PSD3: variants seen among roughly 807,000 people sequenced by gnomAD.
The protein encoded by PSD3 is PH and SEC7 domain-containing protein 3.
In PSD3, 49 loss-of-function variants were observed where a neutral mutation model predicts 105.5. The ratio of observed to expected loss-of-function variants is 0.46; its 90% CI spans 0.37 to 0.59. The LOEUF (loss-of-function observed/expected upper bound fraction) is 0.59, where lower values mean the gene tolerates loss of function less well. Ranked by LOEUF, PSD3 falls within the 20% of genes least tolerant of loss-of-function variation. PSD3 has a pLI of 0.00. For missense variants in PSD3, 1,561 were observed against 1,263.8 expected (o/e 1.24, Z -3.57); for synonymous variants, 557 against 457.8 (o/e 1.22, Z -2.77).
At chr8:18,611,236 T>A (rs1306209771) in intron 11 of PSD3, among the ~76,000 whole-genome samples, 1 of 145,674 alleles carries the variant, frequency 6.9e-6, no homozygotes, top group African/African-American at 2.6e-5. Context: ...GGGTGTAATT[T>A]AATGTAGGAT....
Position 18,774,014 on chromosome 8 carries a change from T to C in PSD3, c.2083-8476A>G, listed in dbSNP as rs1481957744. Among the ~76,000 whole-genome samples, 3 of 152,234 alleles carry C rather than the reference T, an allele frequency of 2.0e-5. No homozygotes were observed. In the East Asian group the frequency reaches 5.8e-4, roughly 29 times the overall value. ...TACTGTAAAATTATTTCACTTTTAATGTTCATTGCTAGTATATAGCAATGC... is the reference window on the plus strand; with the variant it reads ...TACTGTAAAATTATTTCACTTTTAACGTTCATTGCTAGTATATAGCAATGC... On this transcript the variant is annotated intron_variant, in intron 8 of 15. Transcript: ENST00000327040.
intron 9 of PSD3, among the ~76,000 whole-genome samples, chr8:18,752,511 ATATATGTAATATATATAAT>A (rs1805600519): frequency 1.7e-5 from 1 of 57,664 alleles, no homozygotes; most frequent in African/African-American, 1.1e-4. Context: ...AATATATATA[ATATATGTAATATATATAAT>A]TATATATTAT....
At chr8:18,988,096 AAAAT>A (rs1189218416) in intron 1 of PSD3, among the ~76,000 whole-genome samples, 1 of 139,176 alleles carries the variant, frequency 7.2e-6, no homozygotes. Context: ...AATGTTAGAA[AAAAT>A]AAATAAATAA....
intron 8 of PSD3, among the ~76,000 whole-genome samples, chr8:18,776,729 A>C (rs1808133406): frequency 6.6e-6 from 1 of 152,132 alleles, no homozygotes; most frequent in African/African-American, 2.4e-5. Flanking sequence ...TCAGATCATG[A>C]GCTTCCCTTT....
At chr8:18,923,497 G>A (rs937560867) in intron 2 of PSD3, among the ~76,000 whole-genome samples, 5 of 152,136 alleles carry the variant, frequency 3.3e-5, no homozygotes, top group Admixed American at 6.5e-5. Flanking sequence ...CATATAGGAC[G>A]CTGATCCATA....
At chr8:18,731,995 C>CT (rs1222666865) in intron 9 of PSD3, among the ~76,000 whole-genome samples, 2 of 152,126 alleles carry the variant, frequency 1.3e-5, no homozygotes, top group Non-Finnish European at 2.9e-5. Flanking sequence ...AATAAGTCAT[C>CT]TTTTTTCCAC....
In PSD3 at chr8:18,960,659, A is replaced by C. The variant is rs549432905; in HGVS notation, c.22-24517T>G. Among the ~76,000 whole-genome samples, 4 of 152,344 alleles carry C rather than the reference A, an allele frequency of 2.6e-5. No individual in the cohort carries two copies. The South Asian group carries it at 8.3e-4, about 32-fold the overall frequency. Reference sequence around the variant, plus strand: ...GTCATTTTTACACTTTCTATGTATAACCAACAGATCCCAATTAGATCCTAA... The same window carrying C: ...GTCATTTTTACACTTTCTATGTATACCCAACAGATCCCAATTAGATCCTAA... On this transcript the variant is annotated intron_variant, in intron 1 of 15. Transcript: ENST00000327040.
rs891139972 is a variant in PSD3 at position 18,531,976 on chromosome 8, A to C, written c.*3767T>G. 2.0e-5 allele frequency: 3 copies of C among 152,250 alleles called. No individual in the cohort carries two copies. The South Asian group carries it at 6.2e-4, about 32-fold the overall frequency. The allele number at this position is 152,250 out of a possible 1,614,324, so 9.4% of individuals were successfully genotyped here. ...AACTTCTGTGAATTCAGGATGCAAC[A>C]TGCTTAACTGATGACTGCAAGGAAA... On this transcript the variant is annotated 3_prime_UTR_variant, in exon 16 of 16. Transcript: ENST00000327040.
intron 8 of PSD3, among the ~76,000 whole-genome samples, chr8:18,788,359 G>A (rs891630298): frequency 3.3e-5 from 5 of 152,210 alleles, no homozygotes; most frequent in South Asian, 2.1e-4. Flanking sequence ...GCCAGAAACC[G>A]TATACAAGCT....
chr8:18,752,570 T>TA lies in PSD3; in HGVS notation c.2172+12878dup, dbSNP rs1481888978. 8.2e-5 allele frequency among the ~76,000 whole-genome samples: 7 copies of TA among 84,904 alleles called. 1 individual carries two copies. The highest frequency in any genetic ancestry group is 3.4e-4 in the African/African-American group (5 of 14,508). The allele number at this position is 84,904 out of a possible 152,430, so 55.7% of individuals were successfully genotyped here. A position where few individuals can be genotyped will look rare whatever the true frequency, so the allele number is the denominator to read the frequency against. ...ATTATATATAATTATATATATTATA[T>TA]ATATAATTATATATATTATATATTA... is the stretch of plus-strand genomic sequence containing the variant. On this transcript the variant is annotated intron_variant, in intron 9 of 15. Coordinates refer to ENST00000327040, the MANE Select transcript of PSD3 (RefSeq NM_015310.4).
chr8:18,727,107 G>A (rs1803379597), intron 9 of PSD3, among the ~76,000 whole-genome samples: 1 of 152,110 alleles, frequency 6.6e-6, no homozygotes, highest in African/African-American at 2.4e-5. Flanking sequence ...GGAGGCCGAA[G>A]TGGGTGAACC....
intron 15 of PSD3, among the ~76,000 whole-genome samples, chr8:18,542,218 T>C (rs1230349563): frequency 6.6e-6 from 1 of 152,220 alleles, no homozygotes; most frequent in Non-Finnish European, 1.5e-5. Context: ...GAGAATGCTC[T>C]ACATTTGTCT....
chr8:18,891,266 A>C (rs1563390087), intron 2 of PSD3, among the ~76,000 whole-genome samples: 1 of 152,220 alleles, frequency 6.6e-6, no homozygotes, highest in Non-Finnish European at 1.5e-5. Flanking sequence ...GGATGAAATA[A>C]TCAAATGGCT....
intron 9 of PSD3, among the ~76,000 whole-genome samples, chr8:18,689,487 A>G (rs186008552): frequency 6.6e-6 from 1 of 152,268 alleles, no homozygotes; most frequent in East Asian, 1.9e-4. Context: ...ATAAATACCA[A>G]TTGTCTAGAG....
At chr8:19,060,187 G>A (rs191642564) in intron 1 of PSD3, among the ~76,000 whole-genome samples, 1 of 152,112 alleles carries the variant, frequency 6.6e-6, no homozygotes, top group Admixed American at 6.5e-5. Context: ...TTTAAGTTTT[G>A]GAATTTAAGG....
chr8:18,802,625 G>C (rs762003895), intron 6 of PSD3, among the ~76,000 whole-genome samples: 2 of 152,098 alleles, frequency 1.3e-5, no homozygotes, highest in Non-Finnish European at 2.9e-5. Context: ...TGCATGAAAA[G>C]AGCCCCACGA....
At chr8:18,733,461 G>C (rs1437176495) in intron 9 of PSD3, 1 of 152,650 alleles carries the variant, frequency 6.6e-6, no homozygotes, top group Non-Finnish European at 1.5e-5. Flanking sequence ...TTGAAATCCT[G>C]ACTCTTTGAG....
intron 8 of PSD3, among the ~76,000 whole-genome samples, chr8:18,792,195 C>T (rs571332524): frequency 1.3e-5 from 2 of 152,216 alleles, no homozygotes; most frequent in African/African-American, 4.8e-5. Flanking sequence ...TACCATTTGA[C>T]CTAGCAATCC....
intron 11 of PSD3, among the ~76,000 whole-genome samples, chr8:18,609,322 G>A (rs1335544266): frequency 1.3e-5 from 2 of 152,204 alleles, no homozygotes; most frequent in Non-Finnish European, 2.9e-5. Flanking sequence ...TGGGGATGAG[G>A]TAGTTCTAAT....
Sources: gnomAD v4.1 joint callset for allele counts (sites outside exome capture counted in the v4.1 genomes callset) on GRCh38, gnomAD v4.1.1 for gene constraint, MANE v1.5 for transcripts, NCBI Gene and HGNC (gene_info 2026-07-23, HGNC 2026-07-21) for gene names.